Variants in GLDC observed in about 807,000 individuals in gnomAD.
GLDC encodes the protein glycine decarboxylase, also known as glycine dehydrogenase (decarboxylating), mitochondrial.
Under a neutral mutation model 121.3 loss-of-function variants are expected in GLDC, and 104 were observed. The ratio of observed to expected loss-of-function variants is 0.86; its 90% CI spans 0.73 to 1.01. The LOEUF (loss-of-function observed/expected upper bound fraction) is 1.01, where lower values mean the gene tolerates loss of function less well. GLDC is among the 50% of genes least tolerant of loss of function. GLDC has a pLI of 0.00. For synonymous variants in GLDC, 546 were observed against 480.6 expected, an observed-to-expected ratio of 1.14 and a Z score of -1.78; for missense variants, 1,429 against 1,306.6, an observed-to-expected ratio of 1.09 and a Z score of -1.44.
At chr9:6,592,012 G>A in intron 11 of GLDC, 131 bp downstream of exon 11, 2 of 712,578 alleles carry the variant, frequency 2.8e-6, no homozygotes, top group African/African-American at 1.7e-5. Flanking sequence ...GGGATAGTCA[G>A]TGGAATAATT....
At chr9:6,601,414 G>A (rs1818607900) in intron 8 of GLDC, among the ~76,000 whole-genome samples, 1 of 152,172 alleles carries the variant, frequency 6.6e-6, no homozygotes, top group African/African-American at 2.4e-5. Context: ...TATATTTTAA[G>A]TCTGTATATA....
At chr9:6,618,337 G>A (rs1053229142) in intron 3 of GLDC, among the ~76,000 whole-genome samples, 2 of 152,082 alleles carry the variant, frequency 1.3e-5, no homozygotes, top group Non-Finnish European at 2.9e-5. Flanking sequence ...AGAGGCAGAT[G>A]TCCTTAACTG....
chr9:6,584,244 T>C (rs1587943840), intron 15 of GLDC, among the ~76,000 whole-genome samples: 1 of 152,320 alleles, frequency 6.6e-6, no homozygotes, highest in East Asian at 1.9e-4. Context: ...TACCAGGAAA[T>C]GGTTCCTTGA....
At chr9:6,548,393 C>T (rs10441734) in intron 21 of GLDC, among the ~76,000 whole-genome samples, 67,520 of 151,982 alleles carry the variant, frequency 0.44, 15,397 homozygotes, top group Middle Eastern at 0.53. Context: ...TTGAATTAAT[C>T]AGAAGCTCTT....
chr9:6,593,108 GC>G lies in GLDC; in HGVS notation c.1262-119del, dbSNP rs1263473264. On this transcript the variant is annotated intron_variant, in intron 9 of 24. Transcript: ENST00000321612. The stretch of plus-strand genomic sequence containing the variant: ...TAGACTCTTGTTGGTCCTGGGGAGT[GC>G]TTTGGTGATTGCTTTTTAAAAAACT... 61 of 1,052,780 alleles carry G rather than the reference GC, an allele frequency of 5.8e-5. 1 individual carries two copies. The South Asian group carries it at 8.3e-4, about 14-fold the overall frequency. 65.2% of individuals were successfully genotyped at this position (1,052,780 alleles called of 1,614,324 possible). A position where few individuals can be genotyped will look rare whatever the true frequency, so the allele number is the denominator to read the frequency against.
At chr9:6,533,927 C>G (rs1302136803) in intron 24 of GLDC, 1 of 150,582 alleles carries the variant, frequency 6.6e-6, no homozygotes, top group Non-Finnish European at 1.5e-5. Context: ...AAAAAAAAAG[C>G]ATCAGCTGGG....
chr9:6,553,790 C>T (rs928368140), intron 19 of GLDC, among the ~76,000 whole-genome samples: 4 of 152,000 alleles, frequency 2.6e-5, no homozygotes, highest in African/African-American at 9.7e-5. Context: ...GTTCCATGTC[C>T]CTCCCTCCCA....
At chr9:6,608,358 C>T (rs1324369780) in intron 4 of GLDC, among the ~76,000 whole-genome samples, 2 of 148,652 alleles carry the variant, frequency 1.3e-5, no homozygotes, top group East Asian at 4.0e-4. Flanking sequence ...GGAGGCGGAG[C>T]TTGCAGTGAG....
At chr9:6,626,596 A>G (rs1414773602) in intron 2 of GLDC, among the ~76,000 whole-genome samples, 1 of 152,184 alleles carries the variant, frequency 6.6e-6, no homozygotes, top group Non-Finnish European at 1.5e-5. Context: ...GTTTCATTCA[A>G]ATGTGAAAAT....
At position 6,605,145 on chromosome 9, in the gene GLDC, C is replaced by G. The variant is rs386833589; in HGVS notation, c.847G>C (p.Ala283Pro). 22 of 1,612,536 alleles carry G rather than the reference C, an allele frequency of 1.4e-5. No homozygotes were observed. The highest frequency in any genetic ancestry group is 1.7e-5 in the Non-Finnish European group (20 of 1,179,980). The change falls in exon 6 of 25, where the codon GCT (alanine) becomes CCT (proline). Residue 283 changes from alanine to proline, a missense_variant. Coordinates refer to ENST00000321612, the MANE Select transcript of GLDC (RefSeq NM_000170.3). Reference sequence around the variant, plus strand: ...GGTATACCTACCCCACTCTGATGAGCTCTCTCCACGAGTTCCGTAAAGTCT... The same window carrying G: ...GGTATACCTACCCCACTCTGATGAGGTCTCTCCACGAGTTCCGTAAAGTCT... Reference protein sequence around the residue: ...VEDFTELVERAHQSGSLACCA... With the variant: ...VEDFTELVERPHQSGSLACCA...
At chr9:6,584,756 T>C (rs929751825) in intron 15 of GLDC, among the ~76,000 whole-genome samples, 1 of 152,186 alleles carries the variant, frequency 6.6e-6, no homozygotes, top group Non-Finnish European at 1.5e-5. Context: ...GCAAAGCCCC[T>C]GCCATGCTCA....
chr9:6,555,156 C>T lies in GLDC; in HGVS notation c.2203-375G>A, dbSNP rs778093596. Reference sequence around the variant, plus strand: ...AAATAGGCAACTCTTCCCTGAGCAGCGCTACCTTCCCCTGCGTGGTCGGCT... The same window carrying T: ...AAATAGGCAACTCTTCCCTGAGCAGTGCTACCTTCCCCTGCGTGGTCGGCT... On this transcript the variant is annotated intron_variant, in intron 18 of 24. Coordinates refer to ENST00000321612, the MANE Select transcript of GLDC (RefSeq NM_000170.3). Among the ~76,000 whole-genome samples, 11 of 152,222 alleles carry T rather than the reference C, an allele frequency of 7.2e-5. No homozygotes were observed. In the South Asian group the frequency reaches 1.2e-3, roughly 17 times the overall value.
chr9:6,592,027 C>G, intron 11 of GLDC, 116 bp downstream of exon 11: 1 of 740,502 alleles, frequency 1.4e-6, no homozygotes, highest in East Asian at 2.5e-5. Context: ...ATAATTTTAA[C>G]AACAAGCTAC....
At chr9:6,639,101 C>G (rs1031593430) in intron 2 of GLDC, 3 of 711,256 alleles carry the variant, frequency 4.2e-6, no homozygotes, top group Admixed American at 4.1e-5. Flanking sequence ...TCCAATCTGC[C>G]TATTGAGAAT....
At chr9:6,606,761 G>C (rs948259823) in intron 4 of GLDC, 92 bp from the exon 5 acceptor site, 2 of 825,544 alleles carry the variant, frequency 2.4e-6, no homozygotes, top group Admixed American at 1.7e-5. Flanking sequence ...CCGAGGGTAA[G>C]TCTAAGCACA....
chr9:6,635,111 T>C (rs2129997124), intron 2 of GLDC, among the ~76,000 whole-genome samples: 1 of 152,304 alleles, frequency 6.6e-6, no homozygotes, highest in Middle Eastern at 3.4e-3. Flanking sequence ...TCAGACGAAG[T>C]CTCCATCCTA....
Position 6,588,829 on chromosome 9 carries a change from T to G in GLDC, c.1581-127A>C, listed in dbSNP as rs553452373. 5.5e-6 allele frequency: 4 copies of G among 726,010 alleles called. No individual in the cohort carries two copies. The South Asian group carries it at 5.9e-5, about 11-fold the overall frequency. The allele number at this position is 726,010 out of a possible 1,614,324, so 45.0% of individuals were successfully genotyped here. A position where few individuals can be genotyped will look rare whatever the true frequency, so the allele number is the denominator to read the frequency against. On this transcript the variant is annotated intron_variant, in intron 12 of 24. Transcript: ENST00000321612. ...AGATCAATTTTGGCCACGGACAATA[T>G]GTCAACTACACTCAGAGAGAAGGGC...
At chr9:6,598,937 T>G (rs1395601573) in intron 8 of GLDC, among the ~76,000 whole-genome samples, 1 of 152,136 alleles carries the variant, frequency 6.6e-6, no homozygotes, top group African/African-American at 2.4e-5. Flanking sequence ...TCCCAGCACT[T>G]TGGGAGGCCA....
In GLDC at chr9:6,639,544, A is replaced by T. The variant is rs142077549; in HGVS notation, c.334+5070T>A. 3,740 of 786,044 alleles carry T rather than the reference A, an allele frequency of 4.8e-3. 91 individuals carry two copies. In the African/African-American group the frequency reaches 0.055, roughly 12 times the overall value. 48.7% of individuals were successfully genotyped at this position (786,044 alleles called of 1,614,324 possible). A position where few individuals can be genotyped will look rare whatever the true frequency, so the allele number is the denominator to read the frequency against. ...CTGATTCGGCCTGATGGAGAGAAGA[A>T]GGTATATGTTCGACTGGCTCCTGAT... On this transcript the variant is annotated intron_variant, in intron 2 of 24. Coordinates refer to ENST00000321612, the MANE Select transcript of GLDC (RefSeq NM_000170.3).
Sources: allele counts gnomAD v4.1 joint callset (sites outside exome capture counted in the v4.1 genomes callset), GRCh38; gene constraint gnomAD v4.1.1; transcripts MANE v1.5; gene names NCBI Gene and HGNC (gene_info 2026-07-23, HGNC 2026-07-21).